The following STXBP5 variants were observed in gnomAD, a reference collection of about 807,000 sequenced individuals.
The protein encoded by STXBP5 is syntaxin binding protein 5, also known as syntaxin-binding protein 5.
A neutral mutation model predicts 152.4 loss-of-function variants in STXBP5; 50 were observed. That is an observed-to-expected ratio of 0.33 (90% CI 0.26 to 0.42). The LOEUF (loss-of-function observed/expected upper bound fraction) is 0.42, where lower values mean the gene tolerates loss of function less well. Among genes scored for constraint, STXBP5 ranks in the 10% least tolerant of loss-of-function variants. The probability of loss-of-function intolerance (pLI) is 1.00; values close to 1 mark genes in which losing one functional copy is unlikely to be tolerated. For missense variants in STXBP5, 1,167 were observed against 1,388.6 expected, an observed-to-expected ratio of 0.84 and a Z score of 2.54; for synonymous variants, 492 against 494.7, an observed-to-expected ratio of 0.99 and a Z score of 0.07.
intron 2 of STXBP5, among the ~76,000 whole-genome samples, chr6:147,207,944 C>A (rs1462002551): frequency 6.6e-6 from 1 of 152,146 alleles, no homozygotes; most frequent in Non-Finnish European, 1.5e-5. Context: ...AACACTTTTA[C>A]CCTAATGCAT....
intron 21 of STXBP5, among the ~76,000 whole-genome samples, chr6:147,343,263 AACTT>A (rs1165827062): frequency 7.9e-5 from 12 of 152,154 alleles, no homozygotes; most frequent in African/African-American, 2.9e-4. Flanking sequence ...GGTAAGGGTT[AACTT>A]ACTTAGCAAA....
At chr6:147,284,537 T>G (rs1780863719) in intron 8 of STXBP5, among the ~76,000 whole-genome samples, 1 of 152,172 alleles carries the variant, frequency 6.6e-6, no homozygotes, top group African/African-American at 2.4e-5. Flanking sequence ...TATAACATGA[T>G]ATGGAAACAA....
chr6:147,236,203 A>G (rs1002676117), intron 3 of STXBP5, among the ~76,000 whole-genome samples: 3 of 152,232 alleles, frequency 2.0e-5, no homozygotes, highest in South Asian at 2.1e-4. Context: ...CCATAAAACT[A>G]TAATCCAAAT....
At chr6:147,343,135 C>T (rs1490441717) in intron 21 of STXBP5, among the ~76,000 whole-genome samples, 2 of 152,002 alleles carry the variant, frequency 1.3e-5, no homozygotes, top group African/African-American at 4.8e-5. Flanking sequence ...TTATTGGGCA[C>T]CTCCTAAATT....
At chr6:147,312,600 T>C (rs1177778835) in intron 11 of STXBP5, among the ~76,000 whole-genome samples, 2 of 152,054 alleles carry the variant, frequency 1.3e-5, no homozygotes, top group Non-Finnish European at 2.9e-5. Flanking sequence ...CCACAGTGCA[T>C]AGGACAGTTC....
At chr6:147,316,483 G>A (rs1048505301) in intron 16 of STXBP5, 76 bp downstream of exon 16, 15 of 1,270,474 alleles carry the variant, frequency 1.2e-5, no homozygotes, top group Non-Finnish European at 1.5e-5. Flanking sequence ...TTAGAGCTAT[G>A]GTAACATTTT....
chr6:147,257,673 C>G (rs1323426293), intron 4 of STXBP5, among the ~76,000 whole-genome samples: 1 of 152,104 alleles, frequency 6.6e-6, no homozygotes, highest in Admixed American at 6.5e-5. Flanking sequence ...TGTTTGCATT[C>G]CTGAAAAGTT....
Position 147,325,063 on chromosome 6 carries a change from C to T in STXBP5, c.1907C>T (p.Ala636Val). The T allele has an allele frequency of 6.4e-7, 1 of 1,568,828 alleles. No individual in the cohort carries two copies. Among genetic ancestry groups the T allele is most frequent in the Non-Finnish European group, 8.7e-7 (1 of 1,154,330 alleles). The change falls in exon 17 of 28, where the codon GCA becomes GTA. Residue 636 changes from alanine (A) to valine (V), a missense_variant. This residue lies in a region of STXBP5 where 833 missense variants were observed against 986.3 expected (regional missense o/e 0.84). Transcript: ENST00000321680. ...CCACCACAACAAATAACCAGCCTGG[C>T]AGTCAATTCTTCCTATGGACTGTAA... ...GEPPQQITSL[A>V]VNSSYGLVVF...
At chr6:147,278,782 A>C (rs1780564399) in intron 8 of STXBP5, among the ~76,000 whole-genome samples, 1 of 152,192 alleles carries the variant, frequency 6.6e-6, no homozygotes, top group African/African-American at 2.4e-5. Flanking sequence ...AGTTTAGAGG[A>C]AACCAGGCTC....
chr6:147,227,590 A>G (rs903420137), intron 2 of STXBP5, among the ~76,000 whole-genome samples: 1 of 152,074 alleles, frequency 6.6e-6, no homozygotes, highest in South Asian at 2.1e-4. Context: ...TTCAATAAGT[A>G]TCTTATAGTT....
chr6:147,361,154 TCACTGG>T (rs1271502403), intron 23 of STXBP5, among the ~76,000 whole-genome samples: 1 of 152,168 alleles, frequency 6.6e-6, no homozygotes, highest in Non-Finnish European at 1.5e-5. Context: ...ACAGGAGTTA[TCACTGG>T]TAAGTAGGAT....
chr6:147,270,172 G>T (rs1780087805), intron 7 of STXBP5, among the ~76,000 whole-genome samples: 1 of 152,080 alleles, frequency 6.6e-6, no homozygotes, highest in African/African-American at 2.4e-5. Context: ...GCCAAGGCGG[G>T]CAGATCACGA....
In STXBP5 at chr6:147,235,253, T is replaced by A; in HGVS notation, c.252T>A (p.Phe84Leu). The A allele has an allele frequency of 6.2e-7, 1 of 1,613,282 alleles. No individual in the cohort carries two copies. The highest frequency in any genetic ancestry group is 8.5e-7 in the Non-Finnish European group (1 of 1,179,408). ...TCCTTAATGGAATTAATTACAGCTT[T>A]GGTCGTCCAGGAGTAGAATGTTATT... is the stretch of plus-strand genomic sequence containing the variant. ...VGTQTGALRL[F>L]GRPGVECYCQ... Residue 84 changes from phenylalanine (F) to leucine (L), a missense_variant, in exon 3 of 28, where the codon TTT (phenylalanine) becomes TTA (leucine). Physicochemically the swap from Phe to Leu is conservative, Grantham distance 22. This residue lies in a region of STXBP5 where 310 missense variants were observed against 346.1 expected (regional missense o/e 0.90). Transcript: ENST00000321680.
intron 8 of STXBP5, among the ~76,000 whole-genome samples, chr6:147,289,736 G>GAA (rs879435079): frequency 7.0e-6 from 1 of 142,686 alleles, no homozygotes. Flanking sequence ...TCAGCAAAAA[G>GAA]AAAAAAAAAA....
chr6:147,372,079 T>G (rs1785565830), intron 25 of STXBP5, among the ~76,000 whole-genome samples: 1 of 152,170 alleles, frequency 6.6e-6, no homozygotes, highest in Admixed American at 6.5e-5. Flanking sequence ...TTTATTGAAT[T>G]CAGAAAGTGT....
chr6:147,351,818 T>C (rs1044199656), intron 21 of STXBP5: 2 of 985,042 alleles, frequency 2.0e-6, no homozygotes, highest in Non-Finnish European at 2.4e-6. Flanking sequence ...AACACTGGAT[T>C]TGTCATTTTT....
intron 9 of STXBP5, among the ~76,000 whole-genome samples, chr6:147,304,839 T>G (rs2128365267): frequency 6.6e-6 from 1 of 152,274 alleles, no homozygotes; most frequent in Admixed American, 6.5e-5. Context: ...GCATGAGGCC[T>G]GTAGCCCCTT....
chr6:147,293,273 G>A (rs1162145265), intron 9 of STXBP5: 1 of 152,134 alleles, frequency 6.6e-6, no homozygotes, highest in East Asian at 1.9e-4. Context: ...TAGTTATACT[G>A]TTAACTGGAT....
intron 9 of STXBP5, among the ~76,000 whole-genome samples, chr6:147,301,399 C>T (rs1266801335): frequency 1.3e-5 from 2 of 152,106 alleles, no homozygotes; most frequent in African/African-American, 4.8e-5. Context: ...AAGAAAAAGT[C>T]CACAGGCATA....
Sources: allele counts gnomAD v4.1 joint callset (sites outside exome capture counted in the v4.1 genomes callset), GRCh38; gene constraint gnomAD v4.1.1; regional missense constraint gnomAD v4.1.1; transcripts MANE v1.5; gene names NCBI Gene and HGNC (gene_info 2026-07-23, HGNC 2026-07-21).